Variants in TNN observed in about 807,000 individuals in gnomAD.
TNN encodes tenascin N.
A neutral mutation model predicts 134.4 loss-of-function variants in TNN; 122 were observed. The ratio of observed to expected loss-of-function variants is 0.91; its 90% CI spans 0.78 to 1.06. The LOEUF (loss-of-function observed/expected upper bound fraction) is 1.06, where lower values mean the gene tolerates loss of function less well. Ranked by LOEUF, TNN falls within the 50% of genes least tolerant of loss-of-function variation. TNN has a pLI of 0.00. For synonymous variants in TNN, 710 were observed against 670.3 expected (o/e 1.06, Z -0.91); for missense variants, 1,739 against 1,699.4 (o/e 1.02, Z -0.41).
At chr1:175,084,002 G>A in intron 5 of TNN, 67 bp downstream of exon 5, 1 of 1,498,622 alleles carries the variant, frequency 6.7e-7, no homozygotes, top group Non-Finnish European at 9.2e-7. Flanking sequence ...TGTGTGCAGA[G>A]GGCACTGGCA....
intron 11 of TNN, among the ~76,000 whole-genome samples, chr1:175,121,700 T>G (rs1414162919): frequency 1.1e-5 from 1 of 91,138 alleles, no homozygotes; most frequent in African/African-American, 4.0e-5. Flanking sequence ...TTTTGAGGTA[T>G]GGATGATAAT....
At chr1:175,068,668 A>G (rs1034395327) in intron 1 of TNN, among the ~76,000 whole-genome samples, 1 of 152,204 alleles carries the variant, frequency 6.6e-6, no homozygotes, top group Non-Finnish European at 1.5e-5. Flanking sequence ...GCACTTTGAG[A>G]GGCTGAGGCA....
At chr1:175,093,840 T>C in intron 6 of TNN, 150 bp from the exon 7 acceptor site, 1 of 710,634 alleles carries the variant, frequency 1.4e-6, no homozygotes, top group Non-Finnish European at 2.3e-6. Flanking sequence ...AGAAGCCAGT[T>C]GTCCACTTGT....
intron 1 of TNN, among the ~76,000 whole-genome samples, chr1:175,071,952 G>A (rs1673923334): frequency 6.6e-6 from 1 of 152,084 alleles, no homozygotes; most frequent in Non-Finnish European, 1.5e-5. Flanking sequence ...ATACAGAGGG[G>A]ATCAACACAG....
Position 175,118,612 on chromosome 1 carries a change from C to T in TNN, c.2438C>T (p.Ala813Val). 2 of 1,614,172 alleles carry T rather than the reference C, an allele frequency of 1.2e-6. No individual in the cohort carries two copies. The highest frequency in any genetic ancestry group is 1.7e-6 in the Non-Finnish European group (2 of 1,180,026). The change falls in exon 11 of 19, where the codon GCC (alanine) becomes GTC (valine). Residue 813 changes from alanine to valine, a missense_variant. Transcript: ENST00000239462. ...LVTDWVTENT[A>V]TVSWDPVQAT... ...ACTGACTGGGTGACAGAGAATACAG[C>T]CACTGTCTCCTGGGACCCGGTGCAG...
chr1:175,086,071 A>C (rs2149429356), intron 6 of TNN, among the ~76,000 whole-genome samples: 1 of 152,272 alleles, frequency 6.6e-6, no homozygotes, highest in Non-Finnish European at 1.5e-5. Context: ...TGCTTATTTT[A>C]ATAGCTTCTA....
chr1:175,111,703 C>A (rs552969202), intron 9 of TNN, among the ~76,000 whole-genome samples: 1 of 151,680 alleles, frequency 6.6e-6, no homozygotes, highest in Admixed American at 6.6e-5. Context: ...TTGCAGCGAT[C>A]TTTCACCTCT....
At position 175,105,309 on chromosome 1, in the gene TNN, G is replaced by C. The variant is rs548665401; in HGVS notation, c.2119+6714G>C. Among the ~76,000 whole-genome samples the C allele has an allele frequency of 2.7e-5, 4 of 145,528 alleles. 1 individual carries two copies. In the East Asian group the frequency reaches 9.2e-4, roughly 34 times the overall value. ...GAGAAGGGGACATGCACCCGGGTTG[G>C]GCCAAATTCCCCTCCCCCTACAGCT... On this transcript the variant is annotated intron_variant, in intron 9 of 18. Transcript: ENST00000239462.
At chr1:175,142,769 C>A (rs566984906) in intron 17 of TNN, among the ~76,000 whole-genome samples, 1 of 152,224 alleles carries the variant, frequency 6.6e-6, no homozygotes, top group East Asian at 1.9e-4. Flanking sequence ...AGGTGTGCAC[C>A]ACCATGCCAG....
chr1:175,112,828 G>T (rs1309550949), intron 9 of TNN, among the ~76,000 whole-genome samples: 1 of 151,514 alleles, frequency 6.6e-6, no homozygotes, highest in African/African-American at 2.4e-5. Context: ...CACCATGTTG[G>T]CTAGGCTGGT....
chr1:175,112,598 C>CTTTCTT, intron 9 of TNN, among the ~76,000 whole-genome samples: 1 of 21,990 alleles, frequency 4.5e-5, no homozygotes. Context: ...GCCGGCCGAT[C>CTTTCTT]TTTTTTTTTT....
intron 15 of TNN, among the ~76,000 whole-genome samples, chr1:175,134,438 G>C (rs10912892): frequency 0.65 from 97,651 of 151,184 alleles, 32,382 homozygotes; most frequent in African/African-American, 0.71. Context: ...CCAGCTACTT[G>C]GGAGGCTGAG....
intron 15 of TNN, among the ~76,000 whole-genome samples, chr1:175,130,164 C>T (rs1268616605): frequency 6.6e-6 from 1 of 152,226 alleles, no homozygotes; most frequent in Non-Finnish European, 1.5e-5. Context: ...CCTTAACCTG[C>T]TGTGCATCCG....
rs779476216 is a variant in TNN at position 175,123,675 on chromosome 1, G to A, written c.2914+12G>A. ...CAAGGCCCAGACAGGTACTGAGAGG[G>A]ACCAGGCCAGGGGAACACCTCACAC... On this transcript the variant is annotated intron_variant, in intron 12 of 18. Coordinates refer to ENST00000239462, the MANE Select transcript of TNN (RefSeq NM_022093.2). 5.6e-6 allele frequency: 9 copies of A among 1,613,848 alleles called. No individual in the cohort carries two copies. The highest frequency in any genetic ancestry group is 5.9e-6 in the Non-Finnish European group (7 of 1,179,840).
In TNN at chr1:175,131,443, TTTC is replaced by T. The variant is rs568644624; in HGVS notation, c.3330+2699_3330+2701del. 7.5e-3 allele frequency among the ~76,000 whole-genome samples: 1,139 copies of T among 152,294 alleles called. 19 individuals carry two copies. Among genetic ancestry groups the T allele is most frequent in the African/African-American group, 0.026 (1,078 of 41,560 alleles). ...AAGAGGTTTCTTTTGTTTGTTTGTT[TTTC>T]TCCCTTTGAAACTTATTTGGTAAGG... On this transcript the variant is annotated intron_variant, in intron 15 of 18. Transcript: ENST00000239462.
intron 6 of TNN, among the ~76,000 whole-genome samples, chr1:175,092,967 T>G (rs763250): frequency 0.55 from 83,393 of 152,092 alleles, 23,459 homozygotes; most frequent in African/African-American, 0.69. Context: ...CAGCCTCCTG[T>G]GTGACCTTCA....
intron 17 of TNN, among the ~76,000 whole-genome samples, chr1:175,139,739 TG>T (rs1675902020): frequency 6.6e-6 from 1 of 152,272 alleles, no homozygotes; most frequent in African/African-American, 2.4e-5. Flanking sequence ...TGTAATTGTA[TG>T]TGCAAGACTT....
chr1:175,120,716 G>A (rs1474325082), intron 11 of TNN, among the ~76,000 whole-genome samples: 1 of 148,420 alleles, frequency 6.7e-6, no homozygotes, highest in Non-Finnish European at 1.5e-5. Context: ...TTAGCTGGAT[G>A]GCCCTGTGCC....
At chr1:175,082,016 T>G (rs564493465) in intron 4 of TNN, among the ~76,000 whole-genome samples, 1 of 152,352 alleles carries the variant, frequency 6.6e-6, no homozygotes, top group South Asian at 2.1e-4. Context: ...GGAAGTGTCT[T>G]GTTTTTGTCT....
Sources: allele counts gnomAD v4.1 joint callset (sites outside exome capture counted in the v4.1 genomes callset), GRCh38; gene constraint gnomAD v4.1.1; transcripts MANE v1.5; gene names NCBI Gene and HGNC (gene_info 2026-07-23, HGNC 2026-07-21).